Variants in GNAQ observed in about 807,000 individuals in gnomAD.
GNAQ encodes guanine nucleotide-binding protein G(q) subunit alpha.
GNAQ carries 8 observed loss-of-function variants against 43.9 expected under a neutral mutation model. The ratio of observed to expected loss-of-function variants is 0.18; its 90% confidence interval spans 0.11 to 0.33. GNAQ has a LOEUF of 0.33. GNAQ is among the 10% of genes least tolerant of loss of function. GNAQ has a pLI of 1.00. For synonymous variants in GNAQ, 155 were observed against 170.7 expected (o/e 0.91, Z 0.71); for missense variants, 158 against 450.8 (o/e 0.35, Z 5.88).
At chr9:78,009,250 G>A (rs1427350225) in intron 1 of GNAQ, among the ~76,000 whole-genome samples, 2 of 152,098 alleles carry the variant, frequency 1.3e-5, no homozygotes, top group African/African-American at 2.4e-5. Context: ...TCAGGTTATC[G>A]GGAGAGATTA....
At chr9:77,803,753 C>A (rs1325803341) in intron 3 of GNAQ, among the ~76,000 whole-genome samples, 3 of 152,158 alleles carry the variant, frequency 2.0e-5, no homozygotes, top group Non-Finnish European at 4.4e-5. Flanking sequence ...ATTTTGGATA[C>A]AGTCACTTTC....
intron 3 of GNAQ, among the ~76,000 whole-genome samples, chr9:77,801,559 G>A (rs1343569653): frequency 6.6e-6 from 1 of 152,134 alleles, no homozygotes; most frequent in Non-Finnish European, 1.5e-5. Flanking sequence ...GTTTTTGCTT[G>A]CCATTCTTTT....
intron 1 of GNAQ, among the ~76,000 whole-genome samples, chr9:78,018,997 TG>T (rs1486390624): frequency 6.6e-6 from 1 of 152,186 alleles, no homozygotes; most frequent in Non-Finnish European, 1.5e-5. Context: ...ATAACAAGCA[TG>T]GCCTAGAGTA....
At chr9:77,761,883 C>T (rs1826035500) in intron 5 of GNAQ, among the ~76,000 whole-genome samples, 1 of 96,272 alleles carries the variant, frequency 1.0e-5, no homozygotes, top group Non-Finnish European at 2.2e-5. Context: ...CCAGCCGCCC[C>T]ATCCGGGAGG....
At chr9:77,912,237 G>A (rs929841316) in intron 2 of GNAQ, among the ~76,000 whole-genome samples, 2 of 152,142 alleles carry the variant, frequency 1.3e-5, no homozygotes, top group East Asian at 1.9e-4. Context: ...GGAGAGTCCC[G>A]AAACAAACTC....
At chr9:78,016,788 T>C (rs1303906452) in intron 1 of GNAQ, among the ~76,000 whole-genome samples, 1 of 152,226 alleles carries the variant, frequency 6.6e-6, no homozygotes, top group Non-Finnish European at 1.5e-5. Flanking sequence ...TAGGCATGTT[T>C]TGTAATTTTG....
intron 6 of GNAQ, among the ~76,000 whole-genome samples, chr9:77,721,791 C>T (rs1825318429): frequency 6.6e-6 from 1 of 152,150 alleles, no homozygotes; most frequent in Non-Finnish European, 1.5e-5. Context: ...ACTCTGATTC[C>T]CTGAGTGATT....
chr9:78,027,786 C>T (rs1423449451), intron 1 of GNAQ, among the ~76,000 whole-genome samples: 1 of 151,418 alleles, frequency 6.6e-6, no homozygotes, highest in Admixed American at 6.6e-5. Context: ...CTAAACTTTG[C>T]CTGTTTCAAT....
At chr9:77,966,948 T>C (rs1823175129) in intron 1 of GNAQ, among the ~76,000 whole-genome samples, 1 of 152,188 alleles carries the variant, frequency 6.6e-6, no homozygotes, top group South Asian at 2.1e-4. Context: ...AGGTCTTTCA[T>C]TGCCCTAGGT....
At chr9:77,817,597 A>G (rs1214862830) in intron 2 of GNAQ, among the ~76,000 whole-genome samples, 4 of 152,200 alleles carry the variant, frequency 2.6e-5, no homozygotes, top group African/African-American at 4.8e-5. Context: ...CCAAATCACC[A>G]AAGAGCTCAT....
chr9:77,999,683 G>A (rs1282210732), intron 1 of GNAQ, among the ~76,000 whole-genome samples: 1 of 152,190 alleles, frequency 6.6e-6, no homozygotes, highest in African/African-American at 2.4e-5. Context: ...TCTATGCTGG[G>A]CCTAGGACTG....
At chr9:77,973,013 GGAA>G (rs1377230934) in intron 1 of GNAQ, among the ~76,000 whole-genome samples, 3 of 118,344 alleles carry the variant, frequency 2.5e-5, no homozygotes, top group South Asian at 6.1e-4. Flanking sequence ...AAAAAAGAAA[GGAA>G]AAAAAAAAAA....
At chr9:77,800,310 C>G (rs1826722192) in intron 3 of GNAQ, among the ~76,000 whole-genome samples, 2 of 151,958 alleles carry the variant, frequency 1.3e-5, no homozygotes, top group Admixed American at 1.3e-4. Context: ...ATAGCGAAGA[C>G]TTGGAACCAA....
chr9:77,941,686 C>CA (rs1829316964), intron 1 of GNAQ, among the ~76,000 whole-genome samples: 1 of 151,922 alleles, frequency 6.6e-6, no homozygotes, highest in African/African-American at 2.4e-5. Context: ...TTAAAAGCAT[C>CA]AAAAAATCAA....
intron 1 of GNAQ, among the ~76,000 whole-genome samples, chr9:77,941,223 T>C (rs939293517): frequency 6.6e-6 from 1 of 152,034 alleles, no homozygotes; most frequent in Admixed American, 6.5e-5. Context: ...GCCACAAAGC[T>C]TTCTAAAAAA....
At chr9:77,819,779 T>TG (rs888322423) in intron 2 of GNAQ, among the ~76,000 whole-genome samples, 3 of 94,216 alleles carry the variant, frequency 3.2e-5, no homozygotes, top group Non-Finnish European at 7.9e-5. Context: ...AAATGGACTG[T>TG]GGAAAAAAAA....
intron 2 of GNAQ, among the ~76,000 whole-genome samples, chr9:77,896,042 T>A (rs1033836634): frequency 5.3e-5 from 8 of 152,134 alleles, no homozygotes; most frequent in Non-Finnish European, 1.2e-4. Flanking sequence ...AATTCCTAAA[T>A]TAGAAAATAC....
chr9:77,832,312 TC>T (rs1827312373), intron 2 of GNAQ, among the ~76,000 whole-genome samples: 1 of 152,148 alleles, frequency 6.6e-6, no homozygotes, highest in South Asian at 2.1e-4. Flanking sequence ...AGTTCTTGCT[TC>T]AATTATTCAC....
chr9:77,761,466 G>C (rs1374504367), intron 5 of GNAQ, among the ~76,000 whole-genome samples: 1 of 126,494 alleles, frequency 7.9e-6, no homozygotes, highest in Non-Finnish European at 1.7e-5. Context: ...TCAGCCCCCC[G>C]CCTGGCCAGT....
Sources: allele counts gnomAD v4.1 joint callset (sites outside exome capture counted in the v4.1 genomes callset), GRCh38; gene constraint gnomAD v4.1.1; transcripts MANE v1.5; gene names NCBI Gene and HGNC (gene_info 2026-07-23, HGNC 2026-07-21).